RAB3IP: variants seen among roughly 807,000 people sequenced by gnomAD.
RAB3IP encodes rab-3A-interacting protein.
RAB3IP carries 36 observed loss-of-function variants against 59.1 expected under a neutral mutation model. That is an observed-to-expected ratio of 0.61 (90% CI 0.47 to 0.80). The LOEUF (loss-of-function observed/expected upper bound fraction) is 0.80, where lower values mean the gene tolerates loss of function less well. Ranked by LOEUF, RAB3IP falls within the 30% of genes least tolerant of loss-of-function variation. The pLI is 0.00. For synonymous variants in RAB3IP, 207 were observed against 191.2 expected (o/e 1.08, Z -0.68); for missense variants, 511 against 536.0 (o/e 0.95, Z 0.46).
chr12:69,759,933 C>T (rs561392572), intron 3 of RAB3IP, among the ~76,000 whole-genome samples: 119 of 149,056 alleles, frequency 8.0e-4, no homozygotes, highest in African/African-American at 2.8e-3. Flanking sequence ...ACATCTCAGA[C>T]GATGGGTGGC....
chr12:69,759,865 C>G (rs1280283718), intron 3 of RAB3IP, among the ~76,000 whole-genome samples: 14 of 151,860 alleles, frequency 9.2e-5, no homozygotes, highest in African/African-American at 2.9e-4. Flanking sequence ...ACGGGGCTGC[C>G]GGGCAGAGAC....
chr12:69,793,411 G>T (rs1419704841), intron 4 of RAB3IP, among the ~76,000 whole-genome samples: 3 of 152,156 alleles, frequency 2.0e-5, no homozygotes, highest in Non-Finnish European at 4.4e-5. Context: ...CATTTTGACA[G>T]ATCTAGTGAG....
chr12:69,804,859 C>T (rs1878995547), intron 8 of RAB3IP, among the ~76,000 whole-genome samples: 1 of 152,072 alleles, frequency 6.6e-6, no homozygotes, highest in Admixed American at 6.6e-5. Flanking sequence ...GTCTATATCT[C>T]TGTTTTGGTA....
intron 1 of RAB3IP, among the ~76,000 whole-genome samples, chr12:69,752,988 T>C (rs1484878002): frequency 6.6e-6 from 1 of 152,218 alleles, no homozygotes; most frequent in Non-Finnish European, 1.5e-5. Context: ...CATTCCTTAT[T>C]AATCTCATCT....
At chr12:69,809,658 C>CATCACTG (rs1880081182) in intron 8 of RAB3IP, among the ~76,000 whole-genome samples, 1 of 152,218 alleles carries the variant, frequency 6.6e-6, no homozygotes, top group Admixed American at 6.5e-5. Context: ...TTTTGTCTTC[C>CATCACTG]ATCACTGATA....
At chr12:69,753,506 G>A (rs1419334832) in intron 1 of RAB3IP, among the ~76,000 whole-genome samples, 2 of 152,076 alleles carry the variant, frequency 1.3e-5, no homozygotes, top group African/African-American at 4.8e-5. Flanking sequence ...GGGCCACCAT[G>A]CCCAGCTAAT....
intron 3 of RAB3IP, among the ~76,000 whole-genome samples, chr12:69,758,488 A>G (rs12308241): frequency 0.21 from 32,303 of 152,052 alleles, 4,169 homozygotes; most frequent in Middle Eastern, 0.34. Context: ...TAGTAGACAT[A>G]TTTAACTTAT....
chr12:69,791,849 G>C (rs1565909843), intron 4 of RAB3IP, among the ~76,000 whole-genome samples: 1 of 152,170 alleles, frequency 6.6e-6, no homozygotes, highest in Non-Finnish European at 1.5e-5. Context: ...ATCCTGATGA[G>C]TTATCTGTGC....
chr12:69,761,145 C>T (rs560604429), intron 3 of RAB3IP, among the ~76,000 whole-genome samples: 1 of 152,252 alleles, frequency 6.6e-6, no homozygotes, highest in South Asian at 2.1e-4. Context: ...GCTATGTCTT[C>T]AAAGTCACTA....
intron 4 of RAB3IP, among the ~76,000 whole-genome samples, chr12:69,792,176 C>G (rs980907184): frequency 2.0e-5 from 3 of 152,062 alleles, no homozygotes; most frequent in African/African-American, 7.2e-5. Context: ...CGGGAGATGT[C>G]GGTCATTGGT....
intron 3 of RAB3IP, among the ~76,000 whole-genome samples, chr12:69,781,549 C>T (rs937002600): frequency 6.6e-6 from 1 of 152,190 alleles, no homozygotes; most frequent in Non-Finnish European, 1.5e-5. Context: ...TCCCTAAAAA[C>T]CCTGGCAACC....
At chr12:69,747,331 T>TGTGTGTGTGTGTGTGTGTGA (rs1165639333) in intron 1 of RAB3IP, among the ~76,000 whole-genome samples, 7 of 85,902 alleles carry the variant, frequency 8.1e-5, no homozygotes, top group African/African-American at 2.6e-4. Context: ...TGTGTGTGTG[T>TGTGTGTGTGTGTGTGTGTGA]GAGAGAGAGA....
chr12:69,743,461 T>A (rs1381976517), intron 1 of RAB3IP, among the ~76,000 whole-genome samples: 2 of 152,222 alleles, frequency 1.3e-5, no homozygotes, highest in African/African-American at 4.8e-5. Flanking sequence ...TTTTGCTATT[T>A]CCCCCATTAC....
intron 8 of RAB3IP, among the ~76,000 whole-genome samples, chr12:69,802,207 C>G (rs971071138): frequency 8.6e-5 from 13 of 151,826 alleles, no homozygotes; most frequent in Non-Finnish European, 1.6e-4. Flanking sequence ...AAATACTTCT[C>G]TCTGAGGGTG....
intron 6 of RAB3IP, 148 bp from the exon 7 acceptor site, chr12:69,800,061 G>A (rs1055233570): frequency 1.1e-5 from 5 of 456,940 alleles, no homozygotes; most frequent in Non-Finnish European, 1.8e-5. Context: ...ACTGCTACCA[G>A]GTATTGAACC....
chr12:69,801,458 C>A, intron 7 of RAB3IP, 151 bp from the exon 8 acceptor site: 1 of 457,660 alleles, frequency 2.2e-6, no homozygotes, highest in Non-Finnish European at 3.9e-6. Context: ...TAAATCAAAC[C>A]AAAATTATCT....
At chr12:69,769,001 CTT>C (rs1872676442) in intron 3 of RAB3IP, among the ~76,000 whole-genome samples, 1 of 151,996 alleles carries the variant, frequency 6.6e-6, no homozygotes, top group Non-Finnish European at 1.5e-5. Flanking sequence ...GGGGTCAGGT[CTT>C]TCCTGGGCTG....
chr12:69,779,684 A>ATT (rs34446445), intron 3 of RAB3IP, among the ~76,000 whole-genome samples: 6 of 143,754 alleles, frequency 4.2e-5, no homozygotes, highest in African/African-American at 1.5e-4. Flanking sequence ...TAGCTAGGGA[A>ATT]TTTTTTTTTT....
In RAB3IP at chr12:69,759,359, A is replaced by G. The variant is rs1449341472; in HGVS notation, c.510+2696A>G. ...GAAGAATTTTTCTTAGTACAGAACAAAATGAAGTCTCCTATGTCTACTTCT... is the reference window on the plus strand; with the variant it reads ...GAAGAATTTTTCTTAGTACAGAACAGAATGAAGTCTCCTATGTCTACTTCT... On this transcript the variant is annotated intron_variant, in intron 3 of 10. Coordinates refer to ENST00000247833, the MANE Select transcript of RAB3IP (RefSeq NM_022456.5). Among the ~76,000 whole-genome samples, 4 of 152,142 alleles carry G rather than the reference A, an allele frequency of 2.6e-5. No individual in the cohort carries two copies. In the East Asian group the frequency reaches 7.7e-4, roughly 29 times the overall value.
Sources: allele counts gnomAD v4.1 joint callset (sites outside exome capture counted in the v4.1 genomes callset), GRCh38; gene constraint gnomAD v4.1.1; transcripts MANE v1.5; gene names NCBI Gene and HGNC (gene_info 2026-07-23, HGNC 2026-07-21).